The following ABL1 variants were observed in gnomAD, a reference collection of about 807,000 sequenced individuals.
ABL1 encodes tyrosine-protein kinase ABL1.
ABL1 carries 11 observed loss-of-function variants against 94.7 expected under a neutral mutation model. That is an observed-to-expected ratio of 0.12 (90% CI 0.07 to 0.19). The LOEUF (loss-of-function observed/expected upper bound fraction) is 0.19. Among genes scored for constraint, ABL1 ranks in the 10% least tolerant of loss-of-function variants. ABL1 has a pLI of 1.00. For missense variants in ABL1, 1,082 were observed against 1,489.4 expected (o/e 0.73, Z 4.50); for synonymous variants, 656 against 622.4 (o/e 1.05, Z -0.80).
intron 3 of ABL1, among the ~76,000 whole-genome samples, chr9:130,856,427 G>T (rs959265246): frequency 6.6e-6 from 1 of 152,048 alleles, no homozygotes; most frequent in African/African-American, 2.4e-5. Context: ...TCGCCATGTC[G>T]CCCAGGCTAG....
At chr9:130,742,825 A>G (rs1016677602) in intron 1 of ABL1, among the ~76,000 whole-genome samples, 1 of 152,018 alleles carries the variant, frequency 6.6e-6, no homozygotes, top group African/African-American at 2.4e-5. Context: ...TGCTATTAAG[A>G]TACTTTATAT....
intron 4 of ABL1, among the ~76,000 whole-genome samples, chr9:130,864,711 G>A (rs1264330754): frequency 1.3e-5 from 2 of 152,152 alleles, no homozygotes; most frequent in Non-Finnish European, 1.5e-5. Context: ...AGCAGTCCTC[G>A]GGACACCACC....
intron 1 of ABL1, among the ~76,000 whole-genome samples, chr9:130,771,670 T>G (rs1439233536): frequency 2.0e-5 from 3 of 152,204 alleles, no homozygotes; most frequent in East Asian, 1.9e-4. Flanking sequence ...TAAGTCATAC[T>G]GGGATAGCAG....
At chr9:130,720,933 C>T (rs554633675) in intron 1 of ABL1, among the ~76,000 whole-genome samples, 3 of 151,230 alleles carry the variant, frequency 2.0e-5, no homozygotes, top group Non-Finnish European at 4.4e-5. Context: ...AAATGAAGGT[C>T]GAGGCTGCAG....
Position 130,841,153 on chromosome 9 carries a change from C to CT in ABL1, c.79+5639dup, listed in dbSNP as rs1035500345. ...AACAAATCCCACAAAAATCTCATTT[C>CT]TTTTTTTTTTTGAGACAAGAGTCTC... On this transcript the variant is annotated intron_variant, in intron 1 of 10. Transcript: ENST00000318560. Among the ~76,000 whole-genome samples, 185 of 145,826 alleles carry CT rather than the reference C, an allele frequency of 1.3e-3. 1 individual carries two copies. Among genetic ancestry groups the CT allele is most frequent in the East Asian group, 3.1e-3 (15 of 4,864 alleles).
At chr9:130,803,355 A>G (rs576823518) in intron 1 of ABL1, among the ~76,000 whole-genome samples, 9 of 152,302 alleles carry the variant, frequency 5.9e-5, no homozygotes, top group Admixed American at 3.9e-4. Flanking sequence ...TTTGTTATTC[A>G]TAGTTTCCTG....
chr9:130,864,256 C>G (rs1340362109), intron 4 of ABL1, among the ~76,000 whole-genome samples: 1 of 151,950 alleles, frequency 6.6e-6, no homozygotes, highest in Non-Finnish European at 1.5e-5. Flanking sequence ...TTTTTCTTTT[C>G]TTTTTTTGAG....
In ABL1 at chr9:130,770,399, C is replaced by T. The variant is rs528909137; in HGVS notation, c.136+55944C>T. Among the ~76,000 whole-genome samples, 30 of 152,184 alleles carry T rather than the reference C, an allele frequency of 2.0e-4. No homozygotes were observed. The South Asian group carries it at 2.9e-3, about 15-fold the overall frequency. ...GTGCACACCTGTAGTCCCAGCTACT[C>T]AAGAGGCTGAGGCAGGAGGATCACC... On this transcript the variant is annotated intron_variant, in intron 1 of 10. Coordinates refer to the ABL1 transcript ENST00000372348.
In ABL1 at chr9:130,743,364, C is replaced by T. The variant is rs111861309; in HGVS notation, c.136+28909C>T. On this transcript the variant is annotated intron_variant, in intron 1 of 10. Transcript: ENST00000372348. ...CTGGGATTACAGGTGTGAGCCACCA[C>T]GCCCAGCCTAGTTTATTCTTTTAAT... Among the ~76,000 whole-genome samples the T allele has an allele frequency of 4.6e-5, 7 of 152,306 alleles. 1 individual carries two copies. The highest frequency in any genetic ancestry group is 1.2e-4 in the African/African-American group (5 of 41,566).
intron 3 of ABL1, among the ~76,000 whole-genome samples, chr9:130,861,212 T>C (rs1448082764): frequency 6.6e-6 from 1 of 152,096 alleles, no homozygotes; most frequent in Admixed American, 6.5e-5. Context: ...TTCCCCAGAG[T>C]GAAGCAATCT....
chr9:130,760,698 C>T (rs941691642), intron 1 of ABL1, among the ~76,000 whole-genome samples: 1 of 150,916 alleles, frequency 6.6e-6, no homozygotes, highest in African/African-American at 2.4e-5. Context: ...GAGTCTCGCT[C>T]TGTCGCCAGG....
chr9:130,833,969 G>A, upstream of ABL1: 1 of 452,784 alleles, frequency 2.2e-6, no homozygotes, highest in African/African-American at 2.0e-5. Flanking sequence ...AATCCACTTG[G>A]AATTTATTCT....
intron 1 of ABL1, among the ~76,000 whole-genome samples, chr9:130,819,693 C>G (rs1830334585): frequency 6.6e-6 from 1 of 151,840 alleles, no homozygotes; most frequent in African/African-American, 2.4e-5. Flanking sequence ...CACACACCAC[C>G]ATGCCCGGCT....
chr9:130,750,214 T>C (rs58880848), intron 1 of ABL1, among the ~76,000 whole-genome samples: 26,314 of 130,076 alleles, frequency 0.2, 3,864 homozygotes, highest in East Asian at 0.48. Flanking sequence ...TATATATATA[T>C]ATATATATAT....
chr9:130,741,182 C>T (rs1831812182), intron 1 of ABL1, among the ~76,000 whole-genome samples: 1 of 152,154 alleles, frequency 6.6e-6, no homozygotes, highest in Non-Finnish European at 1.5e-5. Flanking sequence ...AGTTCCTAGA[C>T]TAAGGGACTG....
At chr9:130,774,136 C>A (rs1229254359) in intron 1 of ABL1, among the ~76,000 whole-genome samples, 1 of 152,034 alleles carries the variant, frequency 6.6e-6, no homozygotes, top group Admixed American at 6.5e-5. Flanking sequence ...AGTACTATTC[C>A]ATTGTGTGGA....
intron 1 of ABL1, among the ~76,000 whole-genome samples, chr9:130,778,468 C>T (rs966390665): frequency 3.3e-5 from 5 of 152,180 alleles, no homozygotes; most frequent in South Asian, 2.1e-4. Context: ...GTGGGTCAGG[C>T]GTGTGCCTTG....
rs1417471877 is a variant in ABL1, at chr9:130,727,750, CG to C, written c.136+13296del. On this transcript the variant is annotated intron_variant, in intron 1 of 10. Coordinates refer to the ABL1 transcript ENST00000372348. ...CAGCCTGGGTGACAGAGTGAGACAC[CG>C]CCCCCCCCCCCCAAAAAAAAGCATT... 4.7e-5 allele frequency among the ~76,000 whole-genome samples: 5 copies of C among 106,780 alleles called. No individual in the cohort carries two copies. In the East Asian group the frequency reaches 9.8e-4, roughly 21 times the overall value. 70.1% of individuals were successfully genotyped at this position (106,780 alleles called of 152,430 possible).
chr9:130,738,739 C>A (rs922097348), intron 1 of ABL1, among the ~76,000 whole-genome samples: 1 of 152,190 alleles, frequency 6.6e-6, no homozygotes, highest in African/African-American at 2.4e-5. Flanking sequence ...TGTCATTTTG[C>A]TCAAAGCCCC....
Sources: gnomAD v4.1 joint callset for allele counts (sites outside exome capture counted in the v4.1 genomes callset) on GRCh38, gnomAD v4.1.1 for gene constraint, MANE v1.5 for transcripts, NCBI Gene and HGNC (gene_info 2026-07-23, HGNC 2026-07-21) for gene names.